DOP1B: variants seen among roughly 807,000 people sequenced by gnomAD.
DOP1B encodes protein DOP1B.
DOP1B carries 174 observed loss-of-function variants against 233.5 expected under a neutral mutation model. The ratio of observed to expected loss-of-function variants is 0.75; its 90% CI spans 0.66 to 0.85. The LOEUF is 0.85. DOP1B is among the 40% of genes least tolerant of loss of function. DOP1B has a pLI of 0.00. For missense variants in DOP1B, 2,652 were observed against 2,846.6 expected (o/e 0.93, Z 1.56); for synonymous variants, 1,190 against 1,185.6 (o/e 1.00, Z -0.08).
intron 26 of DOP1B, among the ~76,000 whole-genome samples, chr21:36,269,334 T>TA (rs1272493351): frequency 6.6e-6 from 1 of 151,772 alleles, no homozygotes; most frequent in Non-Finnish European, 1.5e-5. Flanking sequence ...TTTGTATTCT[T>TA]ACTAGAGACA....
intron 2 of DOP1B, among the ~76,000 whole-genome samples, chr21:36,176,103 T>TATGTGTGTGTGCGTGTGC (rs1029236168): frequency 7.0e-6 from 1 of 141,920 alleles, no homozygotes; most frequent in Admixed American, 7.0e-5. Flanking sequence ...TGTGCGTGTG[T>TATGTGTGTGTGCGTGTGC]GTGTGTGTGT....
chr21:36,235,019 A>G (rs2066809971), intron 15 of DOP1B, among the ~76,000 whole-genome samples: 2 of 152,208 alleles, frequency 1.3e-5, no homozygotes, highest in Admixed American at 1.3e-4. Flanking sequence ...GCAATTTGAA[A>G]TACACAATGC....
chr21:36,292,037 A>G (rs978560751), intron 35 of DOP1B, 67 bp from the exon 36 acceptor site: 2 of 1,512,688 alleles, frequency 1.3e-6, no homozygotes, highest in African/African-American at 2.8e-5. Context: ...ATATCTTAAT[A>G]AAACTAATTT....
chr21:36,262,198 G>A (rs548641623), intron 24 of DOP1B, among the ~76,000 whole-genome samples: 11 of 152,256 alleles, frequency 7.2e-5, no homozygotes, highest in African/African-American at 1.4e-4. Flanking sequence ...AAGATGAGCC[G>A]GTCACTTCCC....
intron 14 of DOP1B, 49 bp from the exon 15 acceptor site, chr21:36,232,755 T>G (rs757004038): frequency 1.2e-6 from 2 of 1,607,074 alleles, no homozygotes; most frequent in Non-Finnish European, 1.7e-6. Context: ...GGGGACCCAT[T>G]CTCACGTGGT....
intron 7 of DOP1B, among the ~76,000 whole-genome samples, chr21:36,212,784 C>CT (rs1569024716): frequency 1.3e-5 from 2 of 152,034 alleles, no homozygotes; most frequent in African/African-American, 2.4e-5. Flanking sequence ...ACATTTAGAT[C>CT]TTTTTTTTCC....
At chr21:36,287,027 A>C (rs902581140) in intron 32 of DOP1B, among the ~76,000 whole-genome samples, 1 of 152,156 alleles carries the variant, frequency 6.6e-6, no homozygotes, top group African/African-American at 2.4e-5. Context: ...GATCTTAGCT[A>C]GCATGACTAC....
intron 35 of DOP1B, among the ~76,000 whole-genome samples, chr21:36,291,388 G>A (rs996176474): frequency 1.3e-4 from 19 of 151,864 alleles, no homozygotes; most frequent in African/African-American, 3.9e-4. Context: ...GTGAAACCCC[G>A]TCTCTACTAA....
Position 36,230,480 on chromosome 21 carries a change from A to C in DOP1B, c.1696A>C (p.Ile566Leu). Residue 566 changes from isoleucine (I) to leucine (L), a missense_variant, in exon 14 of 37, where the codon ATT becomes CTT. Physicochemically the swap from Ile to Leu is conservative, Grantham distance 5. This residue lies in a region of DOP1B where 2,617 missense variants were observed against 2,794.3 expected (regional missense o/e 0.94). Coordinates refer to ENST00000691173, the MANE Select transcript of DOP1B (RefSeq NM_001320714.2). The stretch of plus-strand genomic sequence containing the variant: ...AGTAAAAGGTGAAAACGGCAAAATA[A>C]TTTTGGAAACAAAGGCAGTGATTCC... ...SPVKGENGKIILETKAVIPGD... is the reference protein window; with the variant it reads ...SPVKGENGKILLETKAVIPGD... The C allele has an allele frequency of 6.2e-7, 1 of 1,610,844 alleles. No homozygotes were observed. Among genetic ancestry groups the C allele is most frequent in the Non-Finnish European group, 8.5e-7 (1 of 1,177,226 alleles).
chr21:36,257,596 TGATAGATA>T (rs34032773), intron 23 of DOP1B, among the ~76,000 whole-genome samples: 9,286 of 150,106 alleles, frequency 0.062, 316 homozygotes, highest in East Asian at 0.13. Flanking sequence ...CGTAGATAGA[TGATAGATA>T]GATAGATAGA....
chr21:36,230,083 G>A (rs1470605060), intron 13 of DOP1B, among the ~76,000 whole-genome samples: 2 of 151,808 alleles, frequency 1.3e-5, no homozygotes, highest in African/African-American at 4.8e-5. Flanking sequence ...TGATCCGCCC[G>A]CCTCAGCCTC....
intron 5 of DOP1B, among the ~76,000 whole-genome samples, chr21:36,210,911 C>CA (rs1030598418): frequency 2.0e-5 from 3 of 152,228 alleles, no homozygotes; most frequent in African/African-American, 7.2e-5. Flanking sequence ...CACAGCACCT[C>CA]ACTCTTCCCT....
At chr21:36,165,765 G>A (rs9984678) in intron 2 of DOP1B, among the ~76,000 whole-genome samples, 22,999 of 149,316 alleles carry the variant, frequency 0.15, 2,194 homozygotes, top group Non-Finnish European at 0.21. Context: ...GCCCAGGTTG[G>A]AGTGCAATGG....
At chr21:36,220,970 C>G (rs2066616622) in intron 10 of DOP1B, among the ~76,000 whole-genome samples, 1 of 151,994 alleles carries the variant, frequency 6.6e-6, no homozygotes, top group Non-Finnish European at 1.5e-5. Flanking sequence ...ACAACCACAC[C>G]TGGCTAATTT....
rs992146960 is a variant in DOP1B at position 36,220,697 on chromosome 21, G to T, written c.1250+1205G>T. ...TTTTTTTTTTTTTTGTGGAGATGAG[G>T]TTTCACCATGTTGCTCAGGCTGGTC... On this transcript the variant is annotated intron_variant, in intron 10 of 36. Transcript: ENST00000691173. Among the ~76,000 whole-genome samples the T allele has an allele frequency of 4.1e-5, 6 of 145,554 alleles. No homozygotes were observed. In the South Asian group the frequency reaches 6.4e-4, roughly 16 times the overall value.
At chr21:36,171,338 A>G (rs1347346927) in intron 2 of DOP1B, among the ~76,000 whole-genome samples, 2 of 152,220 alleles carry the variant, frequency 1.3e-5, no homozygotes, top group Non-Finnish European at 2.9e-5. Flanking sequence ...CTACTTGCCC[A>G]GTGTCTTATG....
At chr21:36,274,880 T>C (rs1376287023) in intron 27 of DOP1B, among the ~76,000 whole-genome samples, 1 of 152,176 alleles carries the variant, frequency 6.6e-6, no homozygotes, top group African/African-American at 2.4e-5. Context: ...AGTCTCGCTC[T>C]GTTGCCCAGG....
rs963539559 is a variant in DOP1B at position 36,260,682 on chromosome 21, G to C, written c.5265G>C (p.Ser1755=). The change falls in exon 24 of 37, where the codon TCG becomes TCC. Residue 1755 remains serine, a synonymous_variant. Transcript: ENST00000691173. ...PPQVKGGDEK[S]PLVDIPVLQF... ...GGTTTTACTTTCATTTTCAGAAATC[G>C]CCCCTAGTGGACATTCCTGTGTTGC... 19 of 1,613,580 alleles carry C rather than the reference G, an allele frequency of 1.2e-5. No individual in the cohort carries two copies. The East Asian group carries it at 4.2e-4, about 36-fold the overall frequency.
At chr21:36,225,383 C>T (rs2284631) in intron 11 of DOP1B, among the ~76,000 whole-genome samples, 182 bp from the exon 12 acceptor site, 21,451 of 152,096 alleles carry the variant, frequency 0.14, 1,778 homozygotes, top group South Asian at 0.21. Context: ...GCGTGGGCCA[C>T]CACACCTGGC....
Sources: gnomAD v4.1 joint callset for allele counts (sites outside exome capture counted in the v4.1 genomes callset) on GRCh38, gnomAD v4.1.1 for gene constraint, gnomAD v4.1.1 regional missense constraint, MANE v1.5 for transcripts, NCBI Gene and HGNC (gene_info 2026-07-23, HGNC 2026-07-21) for gene names.